ULBP3: variants seen among roughly 807,000 people sequenced by gnomAD.
ULBP3 encodes the protein UL16-binding protein 3.
ULBP3 carries 25 observed loss-of-function variants against 24.9 expected under a neutral mutation model. That is an observed-to-expected ratio of 1.00 (90% CI 0.73 to 1.40). The LOEUF (loss-of-function observed/expected upper bound fraction) is 1.40. Among genes scored for constraint, ULBP3 ranks in the 40% most tolerant of loss-of-function variants. The pLI is 0.00. For missense variants in ULBP3, 306 were observed against 307.5 expected (o/e 1.00, Z 0.04); for synonymous variants, 114 against 114.7 (o/e 0.99, Z 0.04).
At chr6:150,063,402 T>C in intron 4 of ULBP3, 51 bp from the exon 5 acceptor site, 1 of 946,220 alleles carries the variant, frequency 1.1e-6, no homozygotes, top group Non-Finnish European at 1.3e-6. Flanking sequence ...AACCTGGGTC[T>C]GTTCTCCTGG....
chr6:150,064,082 G>A (rs932248037), intron 4 of ULBP3, among the ~76,000 whole-genome samples: 7 of 152,222 alleles, frequency 4.6e-5, no homozygotes, highest in Non-Finnish European at 8.8e-5. Flanking sequence ...TGGGAATGCA[G>A]CCTTAGGAAC....
intron 2 of ULBP3, 51 bp downstream of exon 2, chr6:150,065,848 G>A: frequency 6.2e-7 from 1 of 1,604,962 alleles, no homozygotes; most frequent in Non-Finnish European, 8.5e-7. Flanking sequence ...ACACAGAACA[G>A]CCCCTGAGCC....
Position 150,062,067 on chromosome 6 carries a change from T to C in ULBP3, c.*1307A>G, listed in dbSNP as rs947468040. 2.6e-5 allele frequency among the ~76,000 whole-genome samples: 4 copies of C among 152,222 alleles called. No individual in the cohort carries two copies. In the East Asian group the frequency reaches 7.7e-4, roughly 29 times the overall value. On this transcript the variant is annotated 3_prime_UTR_variant, in exon 5 of 5. Coordinates refer to ENST00000367339, the MANE Select transcript of ULBP3 (RefSeq NM_024518.3). ...TTCATGTCTTTGCACATTTTTTAAT[T>C]GGGTTTTTTTTTCTTGCTTGTCTAA... is the stretch of plus-strand genomic sequence containing the variant.
chr6:150,064,735 G>T (rs1314321118), intron 3 of ULBP3, 22 bp from the exon 4 acceptor site: 1 of 1,610,334 alleles, frequency 6.2e-7, no homozygotes, highest in East Asian at 2.2e-5. Flanking sequence ...ACACAAAAGT[G>T]ACAACTCTTG....
chr6:150,065,686 G>A lies in ULBP3; in HGVS notation c.353-13C>T. On this transcript the variant is annotated splice_polypyrimidine_tract_variant and intron_variant, in intron 2 of 4. Transcript: ENST00000367339. ...AGCGTGAGGGGTCCTGCCCCAATCA[G>A]AAAGAGATCAGCCCTGGTGTTTACA... is the stretch of plus-strand genomic sequence containing the variant. 6.2e-7 allele frequency: 1 copy of A among 1,613,702 alleles called. No individual in the cohort carries two copies. The highest frequency in any genetic ancestry group is 8.5e-7 in the Non-Finnish European group (1 of 1,179,676).
rs563117415 is a variant in ULBP3, at chr6:150,064,119, C to T, written c.*22+466G>A. Among the ~76,000 whole-genome samples the T allele has an allele frequency of 5.9e-5, 9 of 152,318 alleles. No homozygotes were observed. The East Asian group carries it at 7.7e-4, about 13-fold the overall frequency. The stretch of plus-strand genomic sequence containing the variant: ...GGGTGGGCCAAGGCCCTCACAGCCC[C>T]CTCGTCCTGGGATTCCCCCAGGTTT... On this transcript the variant is annotated intron_variant, in intron 4 of 4. Coordinates refer to ENST00000367339, the MANE Select transcript of ULBP3 (RefSeq NM_024518.3).
Position 150,062,214 on chromosome 6 carries a change from A to C in ULBP3, c.*1160T>G, listed in dbSNP as rs1490573817. On this transcript the variant is annotated 3_prime_UTR_variant, in exon 5 of 5. Coordinates refer to ENST00000367339, the MANE Select transcript of ULBP3 (RefSeq NM_024518.3). ...TTGCTAGTTTCTTTTTCTGTGCAGA[A>C]GCTCTTTAGTTTAATGAGGTCCCAT... Among the ~76,000 whole-genome samples the C allele has an allele frequency of 6.6e-6, 1 of 152,096 alleles. No individual in the cohort carries two copies. Among genetic ancestry groups the C allele is most frequent in the East Asian group, 1.9e-4 (1 of 5,188 alleles).
intron 1 of ULBP3, among the ~76,000 whole-genome samples, chr6:150,068,250 A>T (rs1242529141): frequency 6.6e-6 from 1 of 152,090 alleles, no homozygotes; most frequent in Non-Finnish European, 1.5e-5. Context: ...TAGGCCCCGA[A>T]CCATGGGACT....
chr6:150,065,991 G>A lies in ULBP3; in HGVS notation c.260C>T (p.Ala87Val), dbSNP rs759322111. ...HLEEQLYATD[A>V]WGKQLEMLRE... ...CAGCATTTCCAGTTGTTTTCCCCAG[G>A]CATCTGTGGCATACAGCTGCTCTTC... The change falls in exon 2 of 5, where the codon GCC becomes GTC. Residue 87 changes from alanine (A) to valine (V), a missense_variant. Ala to Val is a moderately conservative substitution (Grantham distance 64, BLOSUM62 0). Coordinates refer to ENST00000367339, the MANE Select transcript of ULBP3 (RefSeq NM_024518.3). 27 of 1,614,008 alleles carry A rather than the reference G, an allele frequency of 1.7e-5. No homozygotes were observed. The highest frequency in any genetic ancestry group is 2.1e-5 in the Non-Finnish European group (25 of 1,180,038).
intron 3 of ULBP3, 55 bp from the exon 4 acceptor site, chr6:150,064,768 A>G: frequency 6.4e-7 from 1 of 1,566,294 alleles, no homozygotes; most frequent in South Asian, 1.1e-5. Context: ...ATCTGAGGAG[A>G]TGGCTCCTTA....
chr6:150,061,784 C>T lies in ULBP3; in HGVS notation c.*1590G>A, dbSNP rs1030597335. On this transcript the variant is annotated 3_prime_UTR_variant, in exon 5 of 5. Transcript: ENST00000367339. ...GGATATATCCCGAGTAGTGGGATTG[C>T]AGGCTTGAATGGTAGTTCTATTTTA... 5.8e-4 allele frequency among the ~76,000 whole-genome samples: 89 copies of T among 152,276 alleles called. 1 individual carries two copies. In the South Asian group the frequency reaches 8.1e-3, roughly 14 times the overall value.
chr6:150,066,194 G>T (rs747620865), intron 1 of ULBP3, 32 bp from the exon 2 acceptor site: 1 of 1,602,858 alleles, frequency 6.2e-7, no homozygotes. Context: ...ACCAGAGAGT[G>T]TTGGGGTGGG....
chr6:150,067,205 T>A (rs930373075), intron 1 of ULBP3, among the ~76,000 whole-genome samples: 22 of 151,978 alleles, frequency 1.4e-4, no homozygotes, highest in African/African-American at 4.8e-4. Flanking sequence ...ATAACTGAGC[T>A]CCCTCGCCCA....
Position 150,065,602 on chromosome 6 carries a change from A to G in ULBP3, c.424T>C (p.Phe142Leu). ...ADGYIRGSWQ[F>L]SFDGRKFLLF... The stretch of plus-strand genomic sequence containing the variant: ...AGGAACTTCCGTCCATCGAAGCTGA[A>G]CTGCCAAGATCCACGGATGTATCCA... Residue 142 changes from phenylalanine to leucine, a missense_variant, in exon 3 of 5, where the codon TTC (phenylalanine) becomes CTC (leucine). Transcript: ENST00000367339. The G allele has an allele frequency of 6.2e-7, 1 of 1,614,168 alleles. No individual in the cohort carries two copies. Among genetic ancestry groups the G allele is most frequent in the Non-Finnish European group, 8.5e-7 (1 of 1,180,012 alleles).
At chr6:150,064,454 A>G in intron 4 of ULBP3, 131 bp downstream of exon 4, 1 of 800,928 alleles carries the variant, frequency 1.2e-6, no homozygotes. Context: ...ACCAGGTCTC[A>G]TTCACCTGTC....
Position 150,061,379 on chromosome 6 carries a change from A to G in ULBP3, c.*1995T>C, listed in dbSNP as rs1483080140. ...TGATCTCATCACTCAAACAGTAAGCATGGTACCCAACAGGTGGTTTTTCAG... is the reference window on the plus strand; with the variant it reads ...TGATCTCATCACTCAAACAGTAAGCGTGGTACCCAACAGGTGGTTTTTCAG... On this transcript the variant is annotated 3_prime_UTR_variant, in exon 5 of 5. Transcript: ENST00000367339. Among the ~76,000 whole-genome samples the G allele has an allele frequency of 6.6e-6, 1 of 152,236 alleles. No homozygotes were observed. The highest frequency in any genetic ancestry group is 1.5e-5 in the Non-Finnish European group (1 of 68,048).
At position 150,068,959 on chromosome 6, in the gene ULBP3, G is replaced by A. The variant is rs1342289377; in HGVS notation, c.88+20C>T. Reference sequence around the variant, plus strand: ...CCAGGTTTGGCCCCCGCCCCGCTTAGGCTCCATCCCCGAACTCACCGGCCC... The same window carrying A: ...CCAGGTTTGGCCCCCGCCCCGCTTAAGCTCCATCCCCGAACTCACCGGCCC... On this transcript the variant is annotated intron_variant, in intron 1 of 4. Transcript: ENST00000367339. The A allele has an allele frequency of 6.3e-7, 1 of 1,589,430 alleles. No homozygotes were observed. Among genetic ancestry groups the A allele is most frequent in the Admixed American group, 1.7e-5 (1 of 58,280 alleles).
Position 150,064,698 on chromosome 6 carries a change from G to C in ULBP3, c.644C>G (p.Ala215Gly). 1 of 1,614,068 alleles carries C rather than the reference G, an allele frequency of 6.2e-7. No homozygotes were observed. Among genetic ancestry groups the C allele is most frequent in the Non-Finnish European group, 8.5e-7 (1 of 1,179,928 alleles). The change falls in exon 4 of 5, where the codon GCC (alanine) becomes GGC (glycine). Residue 215 changes from alanine (A) to glycine (G), a missense_variant. Coordinates refer to ENST00000367339, the MANE Select transcript of ULBP3 (RefSeq NM_024518.3). ...GGCTTTGGGTTGAGCTAAGCCTGGG[G>C]CCATGGTGGGTGGTGCTGAAAGGGA... ...RLEPTAPPTM[A>G]PGLAQPKAIA...
At chr6:150,066,734 G>T (rs930079099) in intron 1 of ULBP3, among the ~76,000 whole-genome samples, 1 of 152,278 alleles carries the variant, frequency 6.6e-6, no homozygotes, top group South Asian at 2.1e-4. Flanking sequence ...AGTGACTGCA[G>T]TATGAAAATC....
Sources: gnomAD v4.1 joint callset for allele counts (sites outside exome capture counted in the v4.1 genomes callset) on GRCh38, gnomAD v4.1.1 for gene constraint, MANE v1.5 for transcripts, NCBI Gene and HGNC (gene_info 2026-07-23, HGNC 2026-07-21) for gene names.